The following GRHL2 variants were observed in gnomAD, a reference collection of about 807,000 sequenced individuals.
GRHL2 encodes the protein grainyhead like transcription factor 2, also known as grainyhead-like protein 2 homolog.
Under a neutral mutation model 83.8 loss-of-function variants are expected in GRHL2, and 21 were observed. The ratio of observed to expected loss-of-function variants is 0.25; its 90% CI spans 0.18 to 0.36. The LOEUF (loss-of-function observed/expected upper bound fraction) is 0.36, where lower values mean the gene tolerates loss of function less well. GRHL2 is among the 10% of genes least tolerant of loss of function. The probability of loss-of-function intolerance (pLI) is 1.00; values close to 1 mark genes in which losing one functional copy is unlikely to be tolerated. For synonymous variants in GRHL2, 280 were observed against 278.9 expected (o/e 1.00, Z -0.04); for missense variants, 623 against 781.8 (o/e 0.80, Z 2.42).
chr8:101,540,426 C>T (rs529722888), intron 1 of GRHL2, among the ~76,000 whole-genome samples: 1 of 152,258 alleles, frequency 6.6e-6, no homozygotes, highest in South Asian at 2.1e-4. Context: ...TCATGTATTC[C>T]AAGAAGCCTG....
At position 101,613,287 on chromosome 8, in the gene GRHL2, CAT is replaced by C. The variant is rs138682839; in HGVS notation, c.1099-6250_1099-6249del. ...CATAACCGCAGAATTGAGAGGAAAA[CAT>C]AAATATTTTATCAGGAAGAAAGGAA... On this transcript the variant is annotated intron_variant, in intron 8 of 15. Transcript: ENST00000646743. 2.8e-3 allele frequency among the ~76,000 whole-genome samples: 418 copies of C among 150,714 alleles called. 32 individuals are homozygous for C. The highest frequency in any genetic ancestry group is 9.2e-3 in the African/African-American group (370 of 40,300).
chr8:101,509,157 C>CTTTCTTTTCT, intron 1 of GRHL2, among the ~76,000 whole-genome samples: 1 of 27,406 alleles, frequency 3.6e-5, no homozygotes, highest in Non-Finnish European at 1.1e-4. Context: ...TTCCTTCCTT[C>CTTTCTTTTCT]CTTTCTTTCT....
intron 7 of GRHL2, among the ~76,000 whole-genome samples, chr8:101,597,403 C>G (rs1812412923): frequency 6.6e-6 from 1 of 151,996 alleles, no homozygotes; most frequent in Non-Finnish European, 1.5e-5. Flanking sequence ...CGGCACTATT[C>G]ACAATAGCAA....
chr8:101,586,484 T>A (rs914077439), intron 7 of GRHL2, among the ~76,000 whole-genome samples: 4 of 152,212 alleles, frequency 2.6e-5, no homozygotes, highest in African/African-American at 9.6e-5. Flanking sequence ...CTGTCCCCAC[T>A]TGGGTAAGAT....
At chr8:101,585,073 A>G (rs1345444709) in intron 7 of GRHL2, among the ~76,000 whole-genome samples, 32 of 152,050 alleles carry the variant, frequency 2.1e-4, no homozygotes, top group Admixed American at 1.1e-3. Context: ...GTGGTCAGGT[A>G]GCCAAGTGGC....
At chr8:101,590,147 G>A (rs1487044201) in intron 7 of GRHL2, among the ~76,000 whole-genome samples, 2 of 152,104 alleles carry the variant, frequency 1.3e-5, no homozygotes, top group Admixed American at 6.6e-5. Context: ...TTTCAATGAT[G>A]GAAATACTTT....
chr8:101,643,383 A>AAG (rs1813442338), intron 12 of GRHL2, among the ~76,000 whole-genome samples: 2 of 151,014 alleles, frequency 1.3e-5, no homozygotes, highest in South Asian at 4.2e-4. Context: ...AAAAAAAAAA[A>AAG]AAAAAAAAAA....
intron 8 of GRHL2, among the ~76,000 whole-genome samples, chr8:101,601,447 A>T (rs1376351221): frequency 1.3e-5 from 2 of 152,184 alleles, no homozygotes; most frequent in Non-Finnish European, 2.9e-5. Context: ...TGTGGAGTTG[A>T]GTTGATCTTC....
At chr8:101,607,341 A>G (rs1032249051) in intron 8 of GRHL2, among the ~76,000 whole-genome samples, 5 of 152,152 alleles carry the variant, frequency 3.3e-5, no homozygotes, top group Admixed American at 2.6e-4. Context: ...CAGGATGCAA[A>G]TGGAAACCAA....
intron 8 of GRHL2, among the ~76,000 whole-genome samples, chr8:101,601,276 A>G (rs149472075): frequency 1.6e-3 from 242 of 152,336 alleles, no homozygotes; most frequent in Non-Finnish European, 2.9e-3. Flanking sequence ...AATCATTACC[A>G]TAATTTTAAT....
At chr8:101,592,190 C>T (rs538389787) in intron 7 of GRHL2, among the ~76,000 whole-genome samples, 1 of 146,552 alleles carries the variant, frequency 6.8e-6, no homozygotes, top group Non-Finnish European at 1.5e-5. Flanking sequence ...CTGCAACCTC[C>T]GCCTCCCGGG....
the GRHL2 span, among the ~76,000 whole-genome samples, chr8:101,677,998 C>G: frequency 1.3e-5 from 2 of 152,152 alleles, no homozygotes; most frequent in South Asian, 4.2e-4. Context: ...ATTTTTTTCT[C>G]TGTTTCTTCG....
At chr8:101,657,180 G>A (rs1193942856) in intron 14 of GRHL2, among the ~76,000 whole-genome samples, 2 of 152,128 alleles carry the variant, frequency 1.3e-5, no homozygotes, top group Admixed American at 1.3e-4. Flanking sequence ...CTTTTTTGAT[G>A]TATATCTTAA....
In GRHL2 at chr8:101,599,087, G is replaced by A. The variant is rs755522032; in HGVS notation, c.1034G>A (p.Gly345Glu). The change falls in exon 8 of 16, where the codon GGA (glycine) becomes GAA (glutamate). Residue 345 changes from glycine (G) to glutamate (E), a missense_variant. Gly to Glu is a moderately conservative substitution (Grantham distance 98). Coordinates refer to ENST00000646743, the MANE Select transcript of GRHL2 (RefSeq NM_024915.4). Reference protein sequence around the residue: ...ADYKESFNTIGNIEEIAYNAV... With the variant: ...ADYKESFNTIENIEEIAYNAV... ...TACAAGGAGAGCTTTAATACGATTG[G>A]AAACATTGAAGAGATTGCATATAAT... The A allele has an allele frequency of 2.5e-6, 4 of 1,613,484 alleles. No individual in the cohort carries two copies. Among genetic ancestry groups the A allele is most frequent in the Non-Finnish European group, 3.4e-6 (4 of 1,179,478 alleles).
Position 101,642,930 on chromosome 8 carries a change from G to A in GRHL2, c.1518-1201G>A, listed in dbSNP as rs117503254. On this transcript the variant is annotated intron_variant, in intron 12 of 15. Transcript: ENST00000646743. Reference sequence around the variant, plus strand: ...TTAACAGCCTCCTTTTAAATATAAGGAGACTGAGGCCCAAGACAGTTGAGG... The same window carrying A: ...TTAACAGCCTCCTTTTAAATATAAGAAGACTGAGGCCCAAGACAGTTGAGG... Among the ~76,000 whole-genome samples, 1,018 of 152,248 alleles carry A rather than the reference G, an allele frequency of 6.7e-3. 8 individuals are homozygous for A. Among genetic ancestry groups the A allele is most frequent in the Non-Finnish European group, 0.01 (691 of 68,024 alleles).
rs1459337283 is a variant in GRHL2, at chr8:101,667,915, A to G, written c.*1212A>G. 1 of 152,750 alleles carries G rather than the reference A, an allele frequency of 6.5e-6. No homozygotes were observed. The highest frequency in any genetic ancestry group is 2.4e-5 in the African/African-American group (1 of 41,454). The allele number at this position is 152,750 out of a possible 1,614,324, so 9.5% of individuals were successfully genotyped here. A position where few individuals can be genotyped will look rare whatever the true frequency, so the allele number is the denominator to read the frequency against. On this transcript the variant is annotated 3_prime_UTR_variant, in exon 16 of 16. Coordinates refer to ENST00000646743, the MANE Select transcript of GRHL2 (RefSeq NM_024915.4). ...TTTAAAAGGCCTGCTGCCATGTGAG[A>G]GCTGTGAACAGCTCAGCTCTGAGTC...
At chr8:101,635,983 T>G (rs1282716425) in intron 11 of GRHL2, among the ~76,000 whole-genome samples, 1 of 152,116 alleles carries the variant, frequency 6.6e-6, no homozygotes, top group African/African-American at 2.4e-5. Flanking sequence ...GCAGGGACAG[T>G]GACTAATATA....
chr8:101,647,267 A>T (rs1162576248), intron 13 of GRHL2, among the ~76,000 whole-genome samples: 7 of 152,184 alleles, frequency 4.6e-5, no homozygotes, highest in African/African-American at 1.4e-4. Context: ...CAGGAGGCTG[A>T]GGCATGAGAC....
intron 8 of GRHL2, among the ~76,000 whole-genome samples, chr8:101,610,324 T>C (rs1812722636): frequency 1.3e-5 from 2 of 150,856 alleles, no homozygotes; most frequent in Non-Finnish European, 2.9e-5. Flanking sequence ...CTTCACAAAA[T>C]CCCCAGGGAG....
Sources: gnomAD v4.1 joint callset for allele counts (sites outside exome capture counted in the v4.1 genomes callset) on GRCh38, gnomAD v4.1.1 for gene constraint, MANE v1.5 for transcripts, NCBI Gene and HGNC (gene_info 2026-07-23, HGNC 2026-07-21) for gene names.